WWC1: variants seen among roughly 807,000 people sequenced by gnomAD.
WWC1 encodes WW and C2 domain containing 1.
WWC1 carries 55 observed loss-of-function variants against 138.4 expected under a neutral mutation model. The ratio of observed to expected loss-of-function variants is 0.40; its 90% confidence interval spans 0.32 to 0.50. The LOEUF is 0.50. Ranked by LOEUF, WWC1 falls within the 20% of genes least tolerant of loss-of-function variation. The probability of loss-of-function intolerance (pLI) is 0.72; values close to 1 mark genes in which losing one functional copy is unlikely to be tolerated. For missense variants in WWC1, 1,226 were observed against 1,420.4 expected (o/e 0.86, Z 2.20); for synonymous variants, 524 against 564.9 (o/e 0.93, Z 1.03).
chr5:168,300,033 G>A (rs949563031), intron 1 of WWC1, among the ~76,000 whole-genome samples: 1 of 152,114 alleles, frequency 6.6e-6, no homozygotes, highest in Non-Finnish European at 1.5e-5. Context: ...ATTTGCTAAG[G>A]GAAGCACCTC....
chr5:168,292,304 C>A lies in WWC1; in HGVS notation c.119+33C>A, dbSNP rs758274863. On this transcript the variant is annotated intron_variant, in intron 1 of 22. Coordinates refer to ENST00000265293, the MANE Select transcript of WWC1 (RefSeq NM_015238.3). This position sits in a 1 kb window ranked among gnomAD's most constrained non-coding sequence, Gnocchi z 4.4. The stretch of plus-strand genomic sequence containing the variant: ...CCTGGAACCCTCCTCCGTGCCCCCA[C>A]ACCCCCGCCTGGGCCCCCACCTGCC... 1 of 1,559,738 alleles carries A rather than the reference C, an allele frequency of 6.4e-7. No homozygotes were observed. The highest frequency in any genetic ancestry group is 8.7e-7 in the Non-Finnish European group (1 of 1,152,888).
At position 168,304,203 on chromosome 5, in the gene WWC1, C is replaced by T. The variant is rs945791162; in HGVS notation, c.119+11932C>T. On this transcript the variant is annotated intron_variant, in intron 1 of 22. Transcript: ENST00000265293. Reference sequence around the variant, plus strand: ...AACTTTCTCTATAGTTACAGAGTTACTGCTCAATTCGTTTATTTTGAGGAC... The same window carrying T: ...AACTTTCTCTATAGTTACAGAGTTATTGCTCAATTCGTTTATTTTGAGGAC... 3.9e-5 allele frequency among the ~76,000 whole-genome samples: 6 copies of T among 152,314 alleles called. No individual in the cohort carries two copies. In the East Asian group the frequency reaches 5.8e-4, roughly 15 times the overall value.
At chr5:168,452,400 C>T (rs537083539) in intron 17 of WWC1, among the ~76,000 whole-genome samples, 1 of 152,212 alleles carries the variant, frequency 6.6e-6, no homozygotes, top group Non-Finnish European at 1.5e-5. Flanking sequence ...TGGGCTGGGA[C>T]CTCATACGAG....
At chr5:168,293,216 A>C (rs1769225679) in intron 1 of WWC1, among the ~76,000 whole-genome samples, 1 of 152,054 alleles carries the variant, frequency 6.6e-6, no homozygotes, top group Admixed American at 6.5e-5. Flanking sequence ...ACACACATAC[A>C]TTCACCCTCT....
At chr5:168,409,114 T>C (rs1332633911) in intron 7 of WWC1, among the ~76,000 whole-genome samples, 1 of 152,174 alleles carries the variant, frequency 6.6e-6, no homozygotes, top group East Asian at 1.9e-4. Flanking sequence ...CTCAGTCCAG[T>C]CCTAGTTATG....
At chr5:168,359,996 T>C (rs1221253016) in intron 1 of WWC1, among the ~76,000 whole-genome samples, 2 of 152,212 alleles carry the variant, frequency 1.3e-5, no homozygotes, top group Non-Finnish European at 2.9e-5. Context: ...TTGCATACCT[T>C]CTCCACACCT....
In WWC1 at chr5:168,423,698, G is replaced by A; in HGVS notation, c.1440G>A (p.Lys480=). The change falls in exon 11 of 23, where the codon AAG becomes AAA. Residue 480 remains lysine, a synonymous_variant. Transcript: ENST00000265293. ...AGCTGGACTCAGAGCTGCAGAGCAA[G>A]GTGGAGTTCCTGCTCCTGGAGGGGG... The part of the protein sequence containing the change: ...FEQLDSELQS[K]VEFLLLEGAT... The A allele has an allele frequency of 6.2e-7, 1 of 1,614,210 alleles. No individual in the cohort carries two copies. Among genetic ancestry groups the A allele is most frequent in the Non-Finnish European group, 8.5e-7 (1 of 1,180,036 alleles).
At chr5:168,447,603 A>G (rs1755394081) in intron 17 of WWC1, among the ~76,000 whole-genome samples, 1 of 152,188 alleles carries the variant, frequency 6.6e-6, no homozygotes, top group African/African-American at 2.4e-5. Flanking sequence ...TCCAAAACAA[A>G]GCAGCAGACA....
At chr5:168,459,029 G>A (rs1210126956) in intron 19 of WWC1, among the ~76,000 whole-genome samples, 1 of 152,100 alleles carries the variant, frequency 6.6e-6, no homozygotes, top group Non-Finnish European at 1.5e-5. Context: ...TGAGATGGGA[G>A]GATCACTTGA....
chr5:168,454,326 A>T (rs1756106955), intron 18 of WWC1, among the ~76,000 whole-genome samples: 1 of 152,130 alleles, frequency 6.6e-6, no homozygotes, highest in African/African-American at 2.4e-5. Flanking sequence ...ACTTCTCTGG[A>T]CATAACTCAA....
intron 6 of WWC1, 65 bp from the exon 7 acceptor site, chr5:168,408,442 G>A: frequency 1.9e-6 from 3 of 1,575,774 alleles, no homozygotes; most frequent in Non-Finnish European, 2.6e-6. Flanking sequence ...AGCACAGGGA[G>A]CGTGGCAGAC....
intron 21 of WWC1, among the ~76,000 whole-genome samples, chr5:168,465,548 CTTTTTTTT>C (rs10527141): frequency 4.3e-5 from 2 of 46,950 alleles, no homozygotes; most frequent in African/African-American, 8.4e-5. Flanking sequence ...ATCAGCTGGG[CTTTTTTTT>C]TTTTTTTTTT....
intron 19 of WWC1, among the ~76,000 whole-genome samples, chr5:168,456,269 A>G (rs1196607867): frequency 1.3e-5 from 2 of 152,050 alleles, no homozygotes; most frequent in African/African-American, 2.4e-5. Context: ...GCGCCACAGC[A>G]CTCCAGCCTG....
intron 1 of WWC1, among the ~76,000 whole-genome samples, chr5:168,367,006 C>T (rs2152804223): frequency 6.6e-6 from 1 of 151,950 alleles, no homozygotes; most frequent in East Asian, 1.9e-4. Flanking sequence ...CCATGTTTGC[C>T]AGGCTGGTCT....
At position 168,455,496 on chromosome 5, in the gene WWC1, A is replaced by G. The variant is rs1056114242; in HGVS notation, c.2799A>G (p.Gly933=). The G allele has an allele frequency of 6.2e-7, 1 of 1,612,638 alleles. No individual in the cohort carries two copies. The highest frequency in any genetic ancestry group is 1.7e-5 in the Admixed American group (1 of 59,818). The change falls in exon 19 of 23, where the codon GGA becomes GGG. Residue 933 remains glycine, a synonymous_variant. Transcript: ENST00000265293. ...TIIRSKTFSP[G]PQSQYVCRLN... is the part of the protein sequence containing the mutation. ...TCCGCTCTAAGACCTTCTCCCCAGG[A>G]CCCCAGAGCCAGTACGTGTGCCGGG...
At chr5:168,349,169 A>G (rs1355355701) in intron 1 of WWC1, among the ~76,000 whole-genome samples, 3 of 152,056 alleles carry the variant, frequency 2.0e-5, no homozygotes, top group Admixed American at 1.3e-4. Context: ...AGACACAGTG[A>G]TTTCTAAAAG....
chr5:168,416,964 T>A (rs1780707222), intron 9 of WWC1, among the ~76,000 whole-genome samples: 2 of 151,852 alleles, frequency 1.3e-5, no homozygotes, highest in South Asian at 4.2e-4. Flanking sequence ...ACCTTCCGAG[T>A]TCAAGCAATT....
intron 11 of WWC1, among the ~76,000 whole-genome samples, chr5:168,425,588 T>G (rs1462824919): frequency 6.7e-6 from 1 of 149,496 alleles, no homozygotes; most frequent in African/African-American, 2.5e-5. Context: ...ACCTCCTGGG[T>G]TCAAGCGATT....
At chr5:168,456,924 C>G (rs536738841) in intron 19 of WWC1, among the ~76,000 whole-genome samples, 2 of 152,090 alleles carry the variant, frequency 1.3e-5, no homozygotes, top group African/African-American at 2.4e-5. Flanking sequence ...TCAAGCCTCA[C>G]GCATTTTTCC....
Sources: allele counts gnomAD v4.1 joint callset (sites outside exome capture counted in the v4.1 genomes callset), GRCh38; gene constraint gnomAD v4.1.1; non-coding constraint Gnocchi (gnomAD v3.1); transcripts MANE v1.5; gene names NCBI Gene and HGNC (gene_info 2026-07-23, HGNC 2026-07-21).